DNAH11: variants seen among roughly 807,000 people sequenced by gnomAD.
The protein encoded by DNAH11 is dynein axonemal heavy chain 11.
A neutral mutation model predicts 526.0 loss-of-function variants in DNAH11; 442 were observed. The ratio of observed to expected loss-of-function variants is 0.84; its 90% CI spans 0.78 to 0.91. The LOEUF (loss-of-function observed/expected upper bound fraction) is 0.91, where lower values mean the gene tolerates loss of function less well. Among genes scored for constraint, DNAH11 ranks in the 40% least tolerant of loss-of-function variants. The pLI, the probability that DNAH11 is intolerant of heterozygous loss-of-function variation, is 0.00. For missense variants in DNAH11, 6,989 were observed against 5,448.7 expected (o/e 1.28, Z -8.90); for synonymous variants, 2,461 against 1,935.9 (o/e 1.27, Z -7.12).
rs567383932 is a variant in DNAH11 at position 21,881,170 on chromosome 7, G to C, written c.12387+277G>C. Among the ~76,000 whole-genome samples the C allele has an allele frequency of 2.0e-5, 3 of 152,250 alleles. No individual in the cohort carries two copies. In the South Asian group the frequency reaches 6.2e-4, roughly 32 times the overall value. On this transcript the variant is annotated intron_variant, in intron 75 of 81. Transcript: ENST00000409508. ...CTTCATTATGTTAACAAAAACAGTGGTTTACATGTGCGTATATGCCAGATT... is the reference window on the plus strand; with the variant it reads ...CTTCATTATGTTAACAAAAACAGTGCTTTACATGTGCGTATATGCCAGATT...
At chr7:21,604,958 C>T (rs1474055855) in intron 18 of DNAH11, among the ~76,000 whole-genome samples, 1 of 152,174 alleles carries the variant, frequency 6.6e-6, no homozygotes, top group Non-Finnish European at 1.5e-5. Context: ...CCCTTGGTTC[C>T]TGAGCTGGTT....
At chr7:21,723,489 G>C (rs1227265598) in intron 44 of DNAH11, among the ~76,000 whole-genome samples, 2 of 152,146 alleles carry the variant, frequency 1.3e-5, no homozygotes, top group Non-Finnish European at 2.9e-5. Context: ...CTTGGCTTCT[G>C]AAGTAGCCTC....
At chr7:21,829,152 A>C (rs183847217) in intron 65 of DNAH11, among the ~76,000 whole-genome samples, 2 of 152,258 alleles carry the variant, frequency 1.3e-5, no homozygotes, top group East Asian at 1.9e-4. Context: ...AGAAGCTTTT[A>C]ATTTTAAACA....
At chr7:21,804,850 C>A (rs1474585832) in intron 62 of DNAH11, among the ~76,000 whole-genome samples, 1 of 152,104 alleles carries the variant, frequency 6.6e-6, no homozygotes, top group Admixed American at 6.6e-5. Context: ...CTCAGAACTC[C>A]CCAATAGCTA....
At chr7:21,689,297 C>G (rs1284468978) in intron 34 of DNAH11, among the ~76,000 whole-genome samples, 1 of 152,300 alleles carries the variant, frequency 6.6e-6, no homozygotes, top group South Asian at 2.1e-4. Flanking sequence ...TGTAACTGAT[C>G]CATGTACTGA....
At chr7:21,852,296 A>T (rs181270219) in intron 66 of DNAH11, among the ~76,000 whole-genome samples, 171 bp from the exon 67 acceptor site, 1 of 151,540 alleles carries the variant, frequency 6.6e-6, no homozygotes, top group East Asian at 1.9e-4. Context: ...AATCTCAGCT[A>T]CTCGGGAGGC....
intron 65 of DNAH11, among the ~76,000 whole-genome samples, chr7:21,825,993 A>G (rs906376988): frequency 2.6e-5 from 4 of 151,898 alleles, no homozygotes; most frequent in African/African-American, 9.7e-5. Context: ...TGATGGAATA[A>G]TAGACATTAG....
chr7:21,557,167 A>T (rs913176099), intron 2 of DNAH11, among the ~76,000 whole-genome samples: 1 of 151,986 alleles, frequency 6.6e-6, no homozygotes, highest in Non-Finnish European at 1.5e-5. Context: ...TTCACAAACT[A>T]CCCGTGCCGT....
In DNAH11 at chr7:21,711,789, G is replaced by A; in HGVS notation, c.6912G>A (p.Arg2304=). 1 of 1,613,880 alleles carries A rather than the reference G, an allele frequency of 6.2e-7. No individual in the cohort carries two copies. Among genetic ancestry groups the A allele is most frequent in the Non-Finnish European group, 8.5e-7 (1 of 1,179,830 alleles). Residue 2304 remains arginine, a synonymous_variant, in exon 42 of 82, where the codon AGG becomes AGA. Transcript: ENST00000409508. ...TTCTGTTTGAGATACATCACTTAAG[G>A]AGCGCAACCCCGGCCACTGTTTCCA... ...MRLLFEIHHL[R]SATPATVSRA...
chr7:21,605,834 G>A (rs1476020023), intron 18 of DNAH11, among the ~76,000 whole-genome samples: 1 of 152,104 alleles, frequency 6.6e-6, no homozygotes, highest in Non-Finnish European at 1.5e-5. Flanking sequence ...TAGGAGATTT[G>A]TGTTTATTTT....
At chr7:21,748,012 A>G (rs1262931601) in intron 51 of DNAH11, among the ~76,000 whole-genome samples, 1 of 152,230 alleles carries the variant, frequency 6.6e-6, no homozygotes, top group African/African-American at 2.4e-5. Context: ...GGTGACAACA[A>G]AGCTCTAAGA....
chr7:21,743,432 T>C (rs1786005443), intron 49 of DNAH11, among the ~76,000 whole-genome samples: 1 of 152,228 alleles, frequency 6.6e-6, no homozygotes, highest in South Asian at 2.1e-4. Context: ...AGTCTGGAAT[T>C]ATTTTTTTAA....
chr7:21,704,296 T>C (rs948779765), intron 37 of DNAH11, 138 bp from the exon 38 acceptor site: 4 of 828,862 alleles, frequency 4.8e-6, no homozygotes, highest in Admixed American at 6.0e-5. Flanking sequence ...TCCCTATTGA[T>C]AGAATGCCAT....
At chr7:21,725,697 T>A in intron 44 of DNAH11, 114 bp from the exon 45 acceptor site, 1 of 1,022,504 alleles carries the variant, frequency 9.8e-7, no homozygotes, top group Middle Eastern at 2.2e-4. Flanking sequence ...GCTTGATGGG[T>A]ATATGGCAAT....
intron 39 of DNAH11, 62 bp downstream of exon 39, chr7:21,705,599 G>T: frequency 6.5e-7 from 1 of 1,547,498 alleles, no homozygotes; most frequent in Non-Finnish European, 8.9e-7. Context: ...ATTGTGGTTC[G>T]GCCTATTTTC....
At chr7:21,770,309 A>G in intron 55 of DNAH11, among the ~76,000 whole-genome samples, 1 of 152,214 alleles carries the variant, frequency 6.6e-6, no homozygotes, top group East Asian at 1.9e-4. Flanking sequence ...TATACTCCTT[A>G]TGCACATAGT....
In DNAH11 at chr7:21,891,096, T is replaced by C. The variant is rs1784310352; in HGVS notation, c.12508-1329T>C. On this transcript the variant is annotated intron_variant, in intron 76 of 81. Transcript: ENST00000409508. ...GATTGTGTGGAAATTCACACTTACTTTGTCCTCTTTAGACTCTGAGTTCCT... is the reference window on the plus strand; with the variant it reads ...GATTGTGTGGAAATTCACACTTACTCTGTCCTCTTTAGACTCTGAGTTCCT... 1.3e-5 allele frequency among the ~76,000 whole-genome samples: 2 copies of C among 152,288 alleles called. 1 individual carries two copies. Among genetic ancestry groups the C allele is most frequent in the Middle Eastern group, 6.8e-3 (2 of 294 alleles).
chr7:21,853,346 C>T (rs574957320), intron 67 of DNAH11, among the ~76,000 whole-genome samples: 21 of 152,280 alleles, frequency 1.4e-4, no homozygotes, highest in Admixed American at 6.5e-4. Flanking sequence ...TGTGTCACTA[C>T]GCATCCTTTA....
chr7:21,625,833 C>G (rs902817467), intron 25 of DNAH11, among the ~76,000 whole-genome samples: 1 of 152,008 alleles, frequency 6.6e-6, no homozygotes, highest in Admixed American at 6.6e-5. Flanking sequence ...TTGATTTCTA[C>G]TTTTATGCCA....
Sources: allele counts gnomAD v4.1 joint callset (sites outside exome capture counted in the v4.1 genomes callset), GRCh38; gene constraint gnomAD v4.1.1; transcripts MANE v1.5; gene names NCBI Gene and HGNC (gene_info 2026-07-23, HGNC 2026-07-21).